KIAA1549: variants seen among roughly 807,000 people sequenced by gnomAD.
KIAA1549 encodes UPF0606 protein KIAA1549.
KIAA1549 carries 70 observed loss-of-function variants against 156.4 expected under a neutral mutation model. That is an observed-to-expected ratio of 0.45 (90% CI 0.37 to 0.55). The LOEUF is 0.55. Among genes scored for constraint, KIAA1549 ranks in the 20% least tolerant of loss-of-function variants. The pLI is 0.00. For synonymous variants in KIAA1549, 1,103 were observed against 1,066.4 expected, an observed-to-expected ratio of 1.03 and a Z score of -0.67; for missense variants, 2,428 against 2,540.9, an observed-to-expected ratio of 0.96 and a Z score of 0.96.
At position 138,868,675 on chromosome 7, in the gene KIAA1549, C is replaced by T. The variant is rs1367052248; in HGVS notation, c.4776-547G>A. On this transcript the variant is annotated intron_variant, in intron 14 of 19. Transcript: ENST00000422774. ...ACTTCTAACTCCTGACCTCGTGATCCGCCTGCCTTGGCCTCCCAAAGTGCT... is the reference window on the plus strand; with the variant it reads ...ACTTCTAACTCCTGACCTCGTGATCTGCCTGCCTTGGCCTCCCAAAGTGCT... Among the ~76,000 whole-genome samples, 4 of 152,286 alleles carry T rather than the reference C, an allele frequency of 2.6e-5. No individual in the cohort carries two copies. In the East Asian group the frequency reaches 5.8e-4, roughly 22 times the overall value.
rs1810205508 is a variant in KIAA1549, at chr7:138,850,484, G to A, written c.5294+1739C>T. Among the ~76,000 whole-genome samples, 4 of 152,120 alleles carry A rather than the reference G, an allele frequency of 2.6e-5. No homozygotes were observed. In the South Asian group the frequency reaches 8.3e-4, roughly 32 times the overall value. On this transcript the variant is annotated intron_variant, in intron 17 of 19. Transcript: ENST00000422774. Reference sequence around the variant, plus strand: ...TTTTTCATATGCTCATTGGCTGCATGTAAGTCTCCTTTTGAAAACTGTCTG... The same window carrying A: ...TTTTTCATATGCTCATTGGCTGCATATAAGTCTCCTTTTGAAAACTGTCTG...
chr7:138,926,932 C>G (rs1812737034), intron 1 of KIAA1549, among the ~76,000 whole-genome samples: 1 of 152,184 alleles, frequency 6.6e-6, no homozygotes, highest in Admixed American at 6.5e-5. Flanking sequence ...AACTCCCTTC[C>G]TTCCCACTGA....
At position 138,917,868 on chromosome 7, in the gene KIAA1549, C is replaced by G. The variant is rs751547233; in HGVS notation, c.1758G>C (p.Pro586=). ...KNTPSLAVRD[P]SVFTPYSLVP... is the part of the protein sequence containing the mutation. ...CCAGACTATAAGGCGTAAAAACACT[C>G]GGGTCTCTGACGGCAAGCGACGGTG... The change falls in exon 2 of 20, where the codon CCG becomes CCC. Residue 586 remains proline (P), a synonymous_variant. Transcript: ENST00000422774. The G allele has an allele frequency of 3.7e-6, 6 of 1,604,490 alleles. No individual in the cohort carries two copies. The highest frequency in any genetic ancestry group is 5.1e-6 in the Non-Finnish European group (6 of 1,175,506).
At chr7:138,964,703 C>A (rs1395903764) in intron 1 of KIAA1549, among the ~76,000 whole-genome samples, 1 of 152,090 alleles carries the variant, frequency 6.6e-6, no homozygotes, top group African/African-American at 2.4e-5. Context: ...ATGAGTTGGG[C>A]AAAGACAATA....
rs778469143 is a variant in KIAA1549, at chr7:138,891,729, C to T, written c.4032+2613G>A. Reference sequence around the variant, plus strand: ...AAGGATTTCCGAGAGTATGGTGAGGCGCATCAGGAGGTGGGGAGAGCAGAA... The same window carrying T: ...AAGGATTTCCGAGAGTATGGTGAGGTGCATCAGGAGGTGGGGAGAGCAGAA... On this transcript the variant is annotated intron_variant, in intron 10 of 19. Transcript: ENST00000422774. Among the ~76,000 whole-genome samples, 4 of 151,970 alleles carry T rather than the reference C, an allele frequency of 2.6e-5. 1 individual carries two copies. The highest frequency in any genetic ancestry group is 9.7e-5 in the African/African-American group (4 of 41,358).
intron 16 of KIAA1549, among the ~76,000 whole-genome samples, chr7:138,854,873 A>G (rs914702508): frequency 9.9e-5 from 15 of 152,196 alleles, no homozygotes; most frequent in Admixed American, 9.8e-4. Flanking sequence ...AAGAGAAATA[A>G]CAACACGAAC....
intron 1 of KIAA1549, among the ~76,000 whole-genome samples, chr7:138,922,340 G>A (rs1319987344): frequency 6.6e-6 from 1 of 152,160 alleles, no homozygotes; most frequent in Non-Finnish European, 1.5e-5. Flanking sequence ...TATTCCTGCA[G>A]CTAGAGTTGC....
chr7:138,978,151 G>A (rs1223406730), intron 1 of KIAA1549, among the ~76,000 whole-genome samples: 1 of 152,096 alleles, frequency 6.6e-6, no homozygotes, highest in Non-Finnish European at 1.5e-5. Flanking sequence ...AGTGGAAATG[G>A]TAGTAAATAC....
chr7:138,889,347 T>A lies in KIAA1549; in HGVS notation c.4032+4995A>T, dbSNP rs148584557. On this transcript the variant is annotated intron_variant, in intron 10 of 19. Transcript: ENST00000422774. Reference sequence around the variant, plus strand: ...TCAGGGCCCATGTAGGAAAGAAACATGACAGTATTCATGAAAATGCTTCAT... The same window carrying A: ...TCAGGGCCCATGTAGGAAAGAAACAAGACAGTATTCATGAAAATGCTTCAT... Among the ~76,000 whole-genome samples the A allele has an allele frequency of 5.3e-3, 804 of 152,282 alleles. 4 individuals carry two copies. The highest frequency in any genetic ancestry group is 0.02 in the Middle Eastern group (6 of 294).
chr7:138,949,987 C>A (rs910629497), intron 1 of KIAA1549, among the ~76,000 whole-genome samples: 1 of 152,370 alleles, frequency 6.6e-6, no homozygotes, highest in African/African-American at 2.4e-5. Flanking sequence ...TATTTCAGAT[C>A]TGCACAGGAA....
chr7:138,839,195 C>T (rs1208379310), intron 19 of KIAA1549, among the ~76,000 whole-genome samples: 1 of 152,032 alleles, frequency 6.6e-6, no homozygotes, highest in Non-Finnish European at 1.5e-5. Flanking sequence ...GAGCATCCAG[C>T]CATGAAAGGA....
At position 138,925,646 on chromosome 7, in the gene KIAA1549, C is replaced by T. The variant is rs117239437; in HGVS notation, c.188-6208G>A. 4.6e-3 allele frequency among the ~76,000 whole-genome samples: 698 copies of T among 151,854 alleles called. 28 individuals are homozygous for T. In the East Asian group the frequency reaches 0.08, roughly 18 times the overall value. On this transcript the variant is annotated intron_variant, in intron 1 of 19. Coordinates refer to ENST00000422774, the MANE Select transcript of KIAA1549 (RefSeq NM_001164665.2). ...CCCTGGAGTTCACCAGTCTGGGCAA[C>T]GTGGCGAAACCCCGTCTCTACAAAA...
intron 10 of KIAA1549, among the ~76,000 whole-genome samples, chr7:138,892,738 T>C (rs1811577127): frequency 6.6e-6 from 1 of 152,186 alleles, no homozygotes. Context: ...AAAAGTAAAA[T>C]AAATTTTAAA....
At position 138,916,857 on chromosome 7, in the gene KIAA1549, G is replaced by A. The variant is rs775000878; in HGVS notation, c.2769C>T (p.Pro923=). Residue 923 remains proline (P), a synonymous_variant, in exon 2 of 20, where the codon CCC becomes CCT. Coordinates refer to ENST00000422774, the MANE Select transcript of KIAA1549 (RefSeq NM_001164665.2). ...SAAPPLPSLR[P]VTAFTLEATV... The stretch of plus-strand genomic sequence containing the variant: ...TTGCTTCGAGAGTGAAGGCAGTCAC[G>A]GGACGCAGGGATGGCAGGGGAGGAG... The A allele has an allele frequency of 6.8e-5, 110 of 1,613,816 alleles. No individual in the cohort carries two copies. The highest frequency in any genetic ancestry group is 8.4e-5 in the Non-Finnish European group (99 of 1,179,886).
intron 10 of KIAA1549, among the ~76,000 whole-genome samples, chr7:138,881,968 C>A (rs1163411142): frequency 3.3e-5 from 5 of 152,168 alleles, no homozygotes; most frequent in African/African-American, 9.7e-5. Flanking sequence ...TGTTCTAGAT[C>A]ATATCAGGAA....
chr7:138,859,654 C>T (rs1215742885), intron 16 of KIAA1549, among the ~76,000 whole-genome samples: 1 of 152,178 alleles, frequency 6.6e-6, no homozygotes, highest in African/African-American at 2.4e-5. Context: ...CCACCTGCTG[C>T]ACCATGACTA....
chr7:138,940,191 T>C (rs1314742569), intron 1 of KIAA1549, among the ~76,000 whole-genome samples: 2 of 143,004 alleles, frequency 1.4e-5, no homozygotes, highest in African/African-American at 5.1e-5. Context: ...CAGGCCCCGG[T>C]GTGTGATGTT....
rs753866490 is a variant in KIAA1549 at position 138,903,740 on chromosome 7, C to T, written c.3521-4G>A. The T allele has an allele frequency of 5.1e-6, 8 of 1,579,202 alleles. No homozygotes were observed. The Admixed American group carries it at 1.3e-4, about 25-fold the overall frequency. On this transcript the variant is annotated splice_region_variant and splice_polypyrimidine_tract_variant and intron_variant, in intron 7 of 19. Transcript: ENST00000422774. Reference sequence around the variant, plus strand: ...TTCTCCATGACGCCCAGGAGAACTACATTTAAATGAAAACATACGTGGCAC... The same window carrying T: ...TTCTCCATGACGCCCAGGAGAACTATATTTAAATGAAAACATACGTGGCAC...
chr7:138,852,116 G>A lies in KIAA1549; in HGVS notation c.5294+107C>T, dbSNP rs187686580. 3.1e-5 allele frequency: 21 copies of A among 682,678 alleles called. No homozygotes were observed. The African/African-American group carries it at 3.1e-4, about 10-fold the overall frequency. The allele number at this position is 682,678 out of a possible 1,614,324, so 42.3% of individuals were successfully genotyped here. On this transcript the variant is annotated intron_variant, in intron 17 of 19. Coordinates refer to ENST00000422774, the MANE Select transcript of KIAA1549 (RefSeq NM_001164665.2). ...TGGTTAGATCAAGAGAATATACAAC[G>A]CAGAGTTTTACATCTGCTCATATTA...
Sources: gnomAD v4.1 joint callset for allele counts (sites outside exome capture counted in the v4.1 genomes callset) on GRCh38, gnomAD v4.1.1 for gene constraint, MANE v1.5 for transcripts, NCBI Gene and HGNC (gene_info 2026-07-23, HGNC 2026-07-21) for gene names.